The following LSM14A variants were observed in gnomAD, a reference collection of about 807,000 sequenced individuals.
The protein encoded by LSM14A is protein LSM14 homolog A.
Under a neutral mutation model 52.4 loss-of-function variants are expected in LSM14A, and 14 were observed. That is an observed-to-expected ratio of 0.27 (90% CI 0.18 to 0.42). LSM14A has a LOEUF of 0.42. Among genes scored for constraint, LSM14A ranks in the 10% least tolerant of loss-of-function variants. LSM14A has a pLI of 1.00. For missense variants in LSM14A, 417 were observed against 581.8 expected, an observed-to-expected ratio of 0.72 and a Z score of 2.91; for synonymous variants, 185 against 200.3, an observed-to-expected ratio of 0.92 and a Z score of 0.64.
intron 2 of LSM14A, among the ~76,000 whole-genome samples, chr19:34,194,868 A>G (rs1391730555): frequency 6.6e-6 from 1 of 152,224 alleles, no homozygotes; most frequent in Non-Finnish European, 1.5e-5. Flanking sequence ...TCTAATTTCA[A>G]CAACAATTAC....
In LSM14A at chr19:34,227,971, A is replaced by T. The variant is rs2073433544; in HGVS notation, c.*583A>T. On this transcript the variant is annotated 3_prime_UTR_variant, in exon 10 of 10. Transcript: ENST00000544216. ...ACAGTAAATACTGTTTCTTAGGCAA[A>T]GGTAACTTTTTTATATAGTTGTAAA... The T allele has an allele frequency of 6.6e-6, 1 of 152,606 alleles. No individual in the cohort carries two copies. Among genetic ancestry groups the T allele is most frequent in the Non-Finnish European group, 1.5e-5 (1 of 68,036 alleles). The allele number at this position is 152,606 out of a possible 1,614,324, so 9.5% of individuals were successfully genotyped here.
chr19:34,205,935 A>G (rs150630928), intron 3 of LSM14A, among the ~76,000 whole-genome samples: 5 of 152,270 alleles, frequency 3.3e-5, no homozygotes, highest in Admixed American at 2.0e-4. Context: ...CAAGTTGCCA[A>G]TACCAGGAAT....
chr19:34,172,905 G>A, intron 1 of LSM14A, 142 bp downstream of exon 1: 2 of 1,038,198 alleles, frequency 1.9e-6, no homozygotes, highest in Non-Finnish European at 2.6e-6. Context: ...TCCGGGCCCC[G>A]GCGTCGCGGG....
At chr19:34,221,905 C>A in intron 9 of LSM14A, 167 bp downstream of exon 9, 1 of 1,321,410 alleles carries the variant, frequency 7.6e-7, no homozygotes, top group Non-Finnish European at 1.0e-6. Flanking sequence ...TATATAAAGA[C>A]ATTATACAAA....
At chr19:34,209,451 A>T (rs1386039744) in intron 4 of LSM14A, among the ~76,000 whole-genome samples, 1 of 152,202 alleles carries the variant, frequency 6.6e-6, no homozygotes. Context: ...TCCTCACAGG[A>T]TGGAGAGTAG....
At chr19:34,225,613 A>C (rs2073300573) in intron 9 of LSM14A, among the ~76,000 whole-genome samples, 2 of 152,214 alleles carry the variant, frequency 1.3e-5, no homozygotes, top group Admixed American at 6.5e-5. Flanking sequence ...TAGAATCCTT[A>C]AAAGAATCAG....
At chr19:34,201,367 G>T (rs192620741) in intron 3 of LSM14A, among the ~76,000 whole-genome samples, 1 of 152,142 alleles carries the variant, frequency 6.6e-6, no homozygotes, top group Admixed American at 6.5e-5. Flanking sequence ...TTTTGAGATG[G>T]CGTCTTGCTC....
At chr19:34,218,313 T>A (rs1021235760) in intron 6 of LSM14A, among the ~76,000 whole-genome samples, 3 of 151,936 alleles carry the variant, frequency 2.0e-5, no homozygotes, top group Non-Finnish European at 2.9e-5. Flanking sequence ...CCCAAAATAT[T>A]TTTTTTTAAG....
chr19:34,215,584 C>G lies in LSM14A; in HGVS notation c.716-12C>G, dbSNP rs752959754. 156 of 1,606,980 alleles carry G rather than the reference C, an allele frequency of 9.7e-5. No homozygotes were observed. The highest frequency in any genetic ancestry group is 1.2e-4 in the Non-Finnish European group (144 of 1,174,012). On this transcript the variant is annotated splice_polypyrimidine_tract_variant and intron_variant, in intron 5 of 9. Transcript: ENST00000544216. Reference sequence around the variant, plus strand: ...TGAGTTGATTTGGCACTTTGCATGTCTTCTTCTGTAGCTGAAGTACACAAA... The same window carrying G: ...TGAGTTGATTTGGCACTTTGCATGTGTTCTTCTGTAGCTGAAGTACACAAA...
At chr19:34,194,386 G>C in intron 1 of LSM14A, 92 bp from the exon 2 acceptor site, 1 of 1,156,816 alleles carries the variant, frequency 8.6e-7, no homozygotes, top group East Asian at 2.4e-5. Context: ...CAGAACTACT[G>C]CTTAGTACTT....
At chr19:34,177,307 T>C (rs2069153073) in intron 1 of LSM14A, among the ~76,000 whole-genome samples, 1 of 152,222 alleles carries the variant, frequency 6.6e-6, no homozygotes, top group African/African-American at 2.4e-5. Flanking sequence ...TTTAAACCTT[T>C]TTGTGCTTTG....
chr19:34,188,235 G>A (rs1378688944), intron 1 of LSM14A, among the ~76,000 whole-genome samples: 1 of 152,098 alleles, frequency 6.6e-6, no homozygotes, highest in East Asian at 1.9e-4. Context: ...GCAGTGAGCC[G>A]AGATGGCACC....
chr19:34,215,343 T>A (rs1422810274), intron 5 of LSM14A, 43 bp downstream of exon 5: 1 of 1,503,122 alleles, frequency 6.7e-7, no homozygotes, highest in Admixed American at 2.2e-5. Context: ...GACTGATCAA[T>A]GTTTTCCACT....
chr19:34,198,754 A>G (rs1280654107), intron 3 of LSM14A, among the ~76,000 whole-genome samples: 2 of 152,230 alleles, frequency 1.3e-5, no homozygotes, highest in African/African-American at 2.4e-5. Flanking sequence ...TGGGAGGCCA[A>G]GGCGTGTGGA....
intron 1 of LSM14A, among the ~76,000 whole-genome samples, chr19:34,180,620 G>A (rs755588263): frequency 6.6e-6 from 1 of 152,146 alleles, no homozygotes; most frequent in Non-Finnish European, 1.5e-5. Context: ...CACACCTACT[G>A]TAGTCTACTG....
In LSM14A at chr19:34,187,711, T is replaced by C. The variant is rs907599018; in HGVS notation, c.122-6767T>C. On this transcript the variant is annotated intron_variant, in intron 1 of 9. Transcript: ENST00000544216. ...TTGGTATTTTATAATGGAGGTATTG[T>C]ATTGGGAAGTTTGTCACTACAACTT... Among the ~76,000 whole-genome samples the C allele has an allele frequency of 9.2e-5, 14 of 152,204 alleles. 1 individual carries two copies. Among genetic ancestry groups the C allele is most frequent in the Admixed American group, 9.2e-4 (14 of 15,274 alleles).
rs554185947 is a variant in LSM14A at position 34,218,728 on chromosome 19, T to C, written c.782-663T>C. Among the ~76,000 whole-genome samples, 22 of 152,326 alleles carry C rather than the reference T, an allele frequency of 1.4e-4. 1 individual carries two copies. In the South Asian group the frequency reaches 3.7e-3, roughly 26 times the overall value. On this transcript the variant is annotated intron_variant, in intron 6 of 9. Coordinates refer to ENST00000544216, the MANE Select transcript of LSM14A (RefSeq NM_015578.4). ...TTGTATTGCTTTATCATGTCTCTTA[T>C]GATTGGCTGAAATTTTACTGTGTTA...
chr19:34,225,620 T>C (rs533915055), intron 9 of LSM14A, among the ~76,000 whole-genome samples: 2 of 152,284 alleles, frequency 1.3e-5, no homozygotes, highest in East Asian at 3.9e-4. Context: ...CTTAAAAGAA[T>C]CAGCCAAACT....
chr19:34,181,848 C>CT (rs915198730), intron 1 of LSM14A, among the ~76,000 whole-genome samples: 3 of 152,140 alleles, frequency 2.0e-5, no homozygotes, highest in East Asian at 3.9e-4. Context: ...TCCATTGCCT[C>CT]TTTAACATCT....
Sources: gnomAD v4.1 joint callset for allele counts (sites outside exome capture counted in the v4.1 genomes callset) on GRCh38, gnomAD v4.1.1 for gene constraint, MANE v1.5 for transcripts, NCBI Gene and HGNC (gene_info 2026-07-23, HGNC 2026-07-21) for gene names.